The following DYNC2LI1 variants were observed in gnomAD, a reference collection of about 807,000 sequenced individuals.
The protein encoded by DYNC2LI1 is dynein cytoplasmic 2 light intermediate chain 1.
In DYNC2LI1, 45 loss-of-function variants were observed where a neutral mutation model predicts 51.9. The ratio of observed to expected loss-of-function variants is 0.87; its 90% CI spans 0.68 to 1.11. The LOEUF is 1.11. DYNC2LI1 is among the 50% of genes most tolerant of loss of function. DYNC2LI1 has a pLI of 0.00. For missense variants in DYNC2LI1, 490 were observed against 417.4 expected (o/e 1.17, Z -1.51); for synonymous variants, 130 against 137.8 (o/e 0.94, Z 0.40).
chr2:43,799,241 G>T (rs907269611), intron 8 of DYNC2LI1, among the ~76,000 whole-genome samples: 1 of 152,126 alleles, frequency 6.6e-6, no homozygotes, highest in Non-Finnish European at 1.5e-5. Context: ...GTTTGAGGCT[G>T]CAGTGAGTTA....
At chr2:43,812,791 T>C (rs749858308), downstream of DYNC2LI1, 2 of 282,850 alleles carry the variant, frequency 7.1e-6, no homozygotes, top group Non-Finnish European at 1.3e-5. Context: ...AGCTGACCTA[T>C]TTTTTTCTGT....
At chr2:43,798,199 G>C (rs1231900521) in intron 8 of DYNC2LI1, among the ~76,000 whole-genome samples, 2 of 152,108 alleles carry the variant, frequency 1.3e-5, no homozygotes, top group African/African-American at 2.4e-5. Context: ...GGAACCTAGA[G>C]ACAACATGGT....
At chr2:43,780,245 A>C (rs1400106409) in intron 2 of DYNC2LI1, among the ~76,000 whole-genome samples, 1 of 152,214 alleles carries the variant, frequency 6.6e-6, no homozygotes, top group African/African-American at 2.4e-5. Flanking sequence ...GAAAGCTTCA[A>C]GATGTAACCT....
chr2:43,775,854 A>ATT (rs57868887), intron 1 of DYNC2LI1: 7,070 of 50,204 alleles, frequency 0.14, 1,449 homozygotes, highest in Non-Finnish European at 0.18. Context: ...CACCTGGCCA[A>ATT]TTTTTTTTTT....
chr2:43,822,879 A>G, the DYNC2LI1 span: 4 of 1,614,104 alleles, frequency 2.5e-6, no homozygotes, highest in Non-Finnish European at 3.4e-6. Context: ...ATCATCTGCC[A>G]CTTCTGGTAG....
the DYNC2LI1 span, chr2:43,828,194 A>G: frequency 6.2e-7 from 1 of 1,602,384 alleles, no homozygotes; most frequent in Non-Finnish European, 8.5e-7. Flanking sequence ...GAGGACATGA[A>G]AGAGGCAGCA....
At position 43,785,905 on chromosome 2, in the gene DYNC2LI1, GTGAATAAATTTAATACTAC is replaced by G. The variant is rs144882849; in HGVS notation, c.162-1270_162-1252del. Among the ~76,000 whole-genome samples the G allele has an allele frequency of 6.6e-3, 1,009 of 151,848 alleles. 9 individuals are homozygous for G. Among genetic ancestry groups the G allele is most frequent in the African/African-American group, 0.023 (953 of 41,426 alleles). On this transcript the variant is annotated intron_variant, in intron 3 of 12. Coordinates refer to ENST00000260605, the MANE Select transcript of DYNC2LI1 (RefSeq NM_016008.4). ...TTCTGAATATTAGTTACATAACAAC[GTGAATAAATTTAATACTAC>G]TGAATTGTACACTTAAAAATAGGTA...
chr2:43,817,177 C>G, the DYNC2LI1 span, among the ~76,000 whole-genome samples: 1 of 152,352 alleles, frequency 6.6e-6, no homozygotes, highest in South Asian at 2.1e-4. Context: ...TTCTTTGCAA[C>G]TGCCTACCTT....
chr2:43,797,280 G>A (rs1019557785), intron 8 of DYNC2LI1, among the ~76,000 whole-genome samples: 2 of 152,100 alleles, frequency 1.3e-5, no homozygotes, highest in African/African-American at 4.8e-5. Context: ...TCTTCGGCAA[G>A]TCACTTAATT....
At chr2:43,774,705 G>A (rs1672931273) in intron 1 of DYNC2LI1, among the ~76,000 whole-genome samples, 2 of 152,216 alleles carry the variant, frequency 1.3e-5, no homozygotes, top group African/African-American at 4.8e-5. Context: ...AGGGGTCAGG[G>A]AGTGCATCAC....
chr2:43,805,091 C>A, intron 11 of DYNC2LI1, 63 bp from the exon 12 acceptor site: 1 of 1,033,186 alleles, frequency 9.7e-7, no homozygotes, highest in Non-Finnish European at 1.5e-6. Flanking sequence ...GTTTATTAGG[C>A]AGATGGTAGC....
chr2:43,794,354 CT>C, intron 5 of DYNC2LI1, 102 bp from the exon 6 acceptor site: 1 of 1,242,590 alleles, frequency 8.0e-7, no homozygotes, highest in East Asian at 2.5e-5. Flanking sequence ...TTTTTTTCCC[CT>C]TAAGGTATAT....
intron 2 of DYNC2LI1, among the ~76,000 whole-genome samples, chr2:43,780,811 G>C (rs1673242860): frequency 6.6e-6 from 1 of 152,030 alleles, no homozygotes; most frequent in Non-Finnish European, 1.5e-5. Context: ...TGGACATCTG[G>C]GGCGATTGAG....
the DYNC2LI1 span, among the ~76,000 whole-genome samples, chr2:43,821,115 T>C: frequency 6.6e-6 from 1 of 152,236 alleles, no homozygotes; most frequent in Admixed American, 6.5e-5. Context: ...AATGTTGGCA[T>C]GTCTTATACT....
At chr2:43,809,179 A>T (rs1424606157) in intron 12 of DYNC2LI1, among the ~76,000 whole-genome samples, 1 of 152,062 alleles carries the variant, frequency 6.6e-6, no homozygotes, top group Non-Finnish European at 1.5e-5. Flanking sequence ...TTTTGTAGAG[A>T]CACGGTCTCC....
At chr2:43,784,864 T>A (rs1673447457) in intron 3 of DYNC2LI1, among the ~76,000 whole-genome samples, 1 of 152,248 alleles carries the variant, frequency 6.6e-6, no homozygotes, top group Non-Finnish European at 1.5e-5. Context: ...AATTTCTATC[T>A]TTTGGGACAT....
chr2:43,791,209 A>G (rs1289123740), intron 5 of DYNC2LI1, among the ~76,000 whole-genome samples: 3 of 152,108 alleles, frequency 2.0e-5, no homozygotes, highest in African/African-American at 7.2e-5. Context: ...TGACAGAGTG[A>G]GACATTGTCT....
chr2:43,822,849 C>T, the DYNC2LI1 span: 481 of 1,614,122 alleles, frequency 3.0e-4, 3 homozygotes, highest in South Asian at 4.3e-3. Context: ...AAGGGGAGGA[C>T]GTGCAGTGCA....
intron 2 of DYNC2LI1, among the ~76,000 whole-genome samples, chr2:43,779,162 C>G (rs1673161884): frequency 6.6e-6 from 1 of 152,092 alleles, no homozygotes; most frequent in Admixed American, 6.5e-5. Flanking sequence ...ACGTGGAAGA[C>G]TGAGGTGAGA....
Sources: allele counts gnomAD v4.1 joint callset (sites outside exome capture counted in the v4.1 genomes callset), GRCh38; gene constraint gnomAD v4.1.1; transcripts MANE v1.5; gene names NCBI Gene and HGNC (gene_info 2026-07-23, HGNC 2026-07-21).